VAV1: variants seen among roughly 807,000 people sequenced by gnomAD.
The protein encoded by VAV1 is vav guanine nucleotide exchange factor 1.
VAV1 carries 33 observed loss-of-function variants against 128.1 expected under a neutral mutation model. That is an observed-to-expected ratio of 0.26 (90% CI 0.20 to 0.34). The LOEUF (loss-of-function observed/expected upper bound fraction) is 0.34, where lower values mean the gene tolerates loss of function less well. Ranked by LOEUF, VAV1 falls within the 10% of genes least tolerant of loss-of-function variation. The pLI, the probability that VAV1 is intolerant of heterozygous loss-of-function variation, is 1.00. For synonymous variants in VAV1, 394 were observed against 409.8 expected (o/e 0.96, Z 0.47); for missense variants, 715 against 1,093.7 (o/e 0.65, Z 4.88).
intron 1 of VAV1, among the ~76,000 whole-genome samples, chr19:6,795,606 T>C (rs1971115354): frequency 6.6e-6 from 1 of 152,204 alleles, no homozygotes; most frequent in South Asian, 2.1e-4. Flanking sequence ...GTTTACTATG[T>C]CCTGGCACAG....
chr19:6,836,354 G>A (rs1041633545), intron 19 of VAV1, 78 bp from the exon 20 acceptor site: 1 of 1,523,966 alleles, frequency 6.6e-7, no homozygotes. Flanking sequence ...AAAAATTTTA[G>A]CCATTCTCGT....
chr19:6,850,209 G>A (rs1057115792), intron 23 of VAV1, among the ~76,000 whole-genome samples: 1 of 71,070 alleles, frequency 1.4e-5, no homozygotes, highest in Non-Finnish European at 3.0e-5. Flanking sequence ...GAAGAGTTTT[G>A]TTTGTTTGTT....
chr19:6,836,623 A>T (rs1972228681), intron 20 of VAV1, 55 bp downstream of exon 20: 1 of 1,598,946 alleles, frequency 6.3e-7, no homozygotes, highest in Admixed American at 1.7e-5. Context: ...AGGGTTATGG[A>T]TTCATGTGGT....
intron 1 of VAV1, among the ~76,000 whole-genome samples, chr19:6,789,329 T>C (rs952359050): frequency 6.6e-6 from 1 of 151,646 alleles, no homozygotes; most frequent in Non-Finnish European, 1.5e-5. Context: ...CTCGTCTCAC[T>C]GCAAGCTCCA....
At chr19:6,834,514 A>T (rs1972170460) in intron 19 of VAV1, among the ~76,000 whole-genome samples, 1 of 151,100 alleles carries the variant, frequency 6.6e-6, no homozygotes, top group Non-Finnish European at 1.5e-5. Context: ...AAGTGCTGGG[A>T]TTACAAGCGT....
intron 15 of VAV1, 33 bp from the exon 16 acceptor site, chr19:6,833,151 C>CT (rs78698684): frequency 0.045 from 63,366 of 1,399,156 alleles, 325 homozygotes; most frequent in African/African-American, 0.13. Flanking sequence ...TACTGACCTT[C>CT]TTTTTTTTTT....
chr19:6,829,750 A>G, intron 13 of VAV1, 36 bp from the exon 14 acceptor site: 15 of 1,611,652 alleles, frequency 9.3e-6, no homozygotes, highest in Non-Finnish European at 1.3e-5. Context: ...GACAGTTGGG[A>G]AGAGCCAGAC....
At chr19:6,817,043 G>T (rs1971670788) in intron 1 of VAV1, among the ~76,000 whole-genome samples, 1 of 151,726 alleles carries the variant, frequency 6.6e-6, no homozygotes, top group South Asian at 2.1e-4. Context: ...AGGCATCCAA[G>T]AAATGCATTT....
At chr19:6,824,675 G>A (rs1189258490) in intron 6 of VAV1, among the ~76,000 whole-genome samples, 1 of 152,074 alleles carries the variant, frequency 6.6e-6, no homozygotes, top group Non-Finnish European at 1.5e-5. Flanking sequence ...GGGATCACAC[G>A]CATCTGCCAC....
At chr19:6,843,684 T>C (rs1049347677) in intron 22 of VAV1, among the ~76,000 whole-genome samples, 3 of 152,112 alleles carry the variant, frequency 2.0e-5, no homozygotes, top group Non-Finnish European at 4.4e-5. Flanking sequence ...ATCTACTTCA[T>C]AGTGTTTTTA....
Position 6,828,361 on chromosome 19 carries a change from C to T in VAV1, c.1024-58C>T, listed in dbSNP as rs898956049. 2.5e-6 allele frequency: 4 copies of T among 1,606,994 alleles called. No individual in the cohort carries two copies. The highest frequency in any genetic ancestry group is 2.2e-5 in the East Asian group (1 of 44,838). ...GTGAGCTAGCATTGTTTGGAAGGCC[C>T]TCCCCGCAGGGAGAAGGGGAGGGGC... On this transcript the variant is annotated intron_variant, in intron 10 of 26. Transcript: ENST00000602142. The surrounding 1 kb of genome is among the most constrained non-coding windows in gnomAD (Gnocchi z 4.5).
At chr19:6,798,856 T>C (rs1406203732) in intron 1 of VAV1, among the ~76,000 whole-genome samples, 1 of 152,128 alleles carries the variant, frequency 6.6e-6, no homozygotes, top group Admixed American at 6.6e-5. Context: ...GAACCCAGCC[T>C]TGAAATCAAT....
intron 19 of VAV1, chr19:6,836,188 C>T: frequency 4.6e-6 from 2 of 431,008 alleles, no homozygotes; most frequent in Non-Finnish European, 8.3e-6. Context: ...CACATGTTTT[C>T]ATTTCTCTTG....
chr19:6,773,086 A>T, intron 1 of VAV1, 75 bp downstream of exon 1: 1 of 1,567,142 alleles, frequency 6.4e-7, no homozygotes, highest in Non-Finnish European at 8.8e-7. Context: ...CGAGGGGCTG[A>T]CGTGCTGCTC....
chr19:6,827,489 G>A (rs1186739623), intron 9 of VAV1, among the ~76,000 whole-genome samples: 2 of 152,044 alleles, frequency 1.3e-5, no homozygotes, highest in African/African-American at 4.8e-5. Context: ...TATCCAGGGT[G>A]GTCTCAAACT....
chr19:6,848,134 C>T lies in VAV1; in HGVS notation c.2129+20C>T. ...CATTAAGTAACTCCTTTCTCCCTGA[C>T]TCATACCCTTTTGGGGCCTGGGCCC... On this transcript the variant is annotated intron_variant, in intron 23 of 26. Transcript: ENST00000602142. 6.5e-7 allele frequency: 1 copy of T among 1,533,660 alleles called. No homozygotes were observed. Among genetic ancestry groups the T allele is most frequent in the Admixed American group, 2.4e-5 (1 of 41,906 alleles).
intron 26 of VAV1, 100 bp from the exon 27 acceptor site, chr19:6,856,954 G>C (rs1232697232): frequency 4.0e-6 from 4 of 1,012,432 alleles, no homozygotes; most frequent in Non-Finnish European, 6.2e-6. Flanking sequence ...GGAAGAGCAG[G>C]TGCAAAGGCC....
intron 21 of VAV1, 120 bp downstream of exon 21, chr19:6,837,170 CT>C (rs1443123704): frequency 1.4e-5 from 14 of 1,002,252 alleles, no homozygotes; most frequent in Admixed American, 2.1e-5. Flanking sequence ...CATGGCAGGT[CT>C]TTCTCTAACT....
chr19:6,807,939 G>A (rs1159788720), intron 1 of VAV1, among the ~76,000 whole-genome samples: 1 of 139,546 alleles, frequency 7.2e-6, no homozygotes, highest in Non-Finnish European at 1.5e-5. Flanking sequence ...GCAGTGAGTC[G>A]AGATTCTGCC....
Sources: allele counts gnomAD v4.1 joint callset (sites outside exome capture counted in the v4.1 genomes callset), GRCh38; gene constraint gnomAD v4.1.1; non-coding constraint Gnocchi (gnomAD v3.1); transcripts MANE v1.5; gene names NCBI Gene and HGNC (gene_info 2026-07-23, HGNC 2026-07-21).